Variants in SFMBT2 observed in about 807,000 individuals in gnomAD.
SFMBT2 encodes Scm like with four mbt domains 2.
Under a neutral mutation model 110.1 loss-of-function variants are expected in SFMBT2, and 38 were observed. The ratio of observed to expected loss-of-function variants is 0.35; its 90% CI spans 0.27 to 0.45. The LOEUF (loss-of-function observed/expected upper bound fraction) is 0.45, where lower values mean the gene tolerates loss of function less well. SFMBT2 is among the 20% of genes least tolerant of loss of function. The probability of loss-of-function intolerance (pLI) is 1.00; values close to 1 mark genes in which losing one functional copy is unlikely to be tolerated. For synonymous variants in SFMBT2, 425 were observed against 425.4 expected (o/e 1.00, Z 0.01); for missense variants, 1,011 against 1,094.9 (o/e 0.92, Z 1.08).
rs1564360176 is a variant in SFMBT2 at position 7,162,492 on chromosome 10, C to T, written c.*1278G>A. 6.6e-6 allele frequency: 1 copy of T among 152,234 alleles called. No homozygotes were observed. Among genetic ancestry groups the T allele is most frequent in the Non-Finnish European group, 1.5e-5 (1 of 68,052 alleles). 9.4% of individuals were successfully genotyped at this position (152,234 alleles called of 1,614,324 possible). The stretch of plus-strand genomic sequence containing the variant: ...GACTCCAGATTCACTGCTCCTGCTG[C>T]ATCATGCCTGGTTCATATGCTGCCA... On this transcript the variant is annotated 3_prime_UTR_variant, in exon 21 of 21. Coordinates refer to ENST00000397167, the MANE Select transcript of SFMBT2 (RefSeq NM_001387889.1).
At position 7,408,442 on chromosome 10, in the gene SFMBT2, G is replaced by C. The variant is rs908214105; in HGVS notation, c.-52+2419C>G. ...CTGCGCTCCTGCAAACCACGTTGCT[G>C]CGCTAACTACAAACCTGGCCAACAT... On this transcript the variant is annotated intron_variant, in intron 1 of 20. Transcript: ENST00000397167. The surrounding 1 kb of genome is among the most constrained non-coding windows in gnomAD (Gnocchi z 5.7). 6.6e-6 allele frequency among the ~76,000 whole-genome samples: 1 copy of C among 152,238 alleles called. No individual in the cohort carries two copies. Among genetic ancestry groups the C allele is most frequent in the African/African-American group, 2.4e-5 (1 of 41,468 alleles).
chr10:7,269,981 G>A (rs1012661335), intron 7 of SFMBT2, among the ~76,000 whole-genome samples: 2 of 151,942 alleles, frequency 1.3e-5, no homozygotes, highest in South Asian at 2.1e-4. Context: ...GTACATACAT[G>A]AAATGCGATC....
chr10:7,283,970 A>T lies in SFMBT2; in HGVS notation c.706T>A (p.Leu236Met). 1 of 1,610,502 alleles carries T rather than the reference A, an allele frequency of 6.2e-7. No homozygotes were observed. The highest frequency in any genetic ancestry group is 8.5e-7 in the Non-Finnish European group (1 of 1,176,654). Residue 236 changes from leucine (L) to methionine (M), a missense_variant, in exon 6 of 21, where the codon TTG becomes ATG. Leu to Met is a conservative substitution (Grantham distance 15, BLOSUM62 2). Coordinates refer to ENST00000397167, the MANE Select transcript of SFMBT2 (RefSeq NM_001387889.1). ...CCAACTGGTCGAAGTCTGTAATCCA[A>T]GTAAAACAACCACTGGTCATAGGAT... ...TESYDQWLFY[L>M]DYRLRPVGWC...
In SFMBT2 at chr10:7,367,870, C is replaced by T. The variant is rs759290525; in HGVS notation, c.215G>A (p.Ser72Asn). Residue 72 changes from serine to asparagine, a missense_variant, in exon 4 of 21, where the codon AGC becomes AAC. By Grantham distance (46) the Ser-to-Asn change is conservative (BLOSUM62 1). This residue lies in a region of SFMBT2 where 979 missense variants were observed against 1,016.1 expected (regional missense o/e 0.96). Coordinates refer to ENST00000397167, the MANE Select transcript of SFMBT2 (RefSeq NM_001387889.1). This position sits in a 1 kb window ranked among gnomAD's most constrained non-coding sequence, Gnocchi z 6.2. ...SFKHVEISIQ[S>N]NFQPGMKLEV... is the part of the protein sequence containing the mutation. ...CAATTTCATTCCTGGCTGGAAGTTGCTCTGAATGCTGATTTCAACCTTAAG... is the reference window on the plus strand; with the variant it reads ...CAATTTCATTCCTGGCTGGAAGTTGTTCTGAATGCTGATTTCAACCTTAAG... 4.0e-5 allele frequency: 65 copies of T among 1,614,024 alleles called. 2 individuals carry two copies. Among genetic ancestry groups the T allele is most frequent in the Non-Finnish European group, 4.5e-5 (53 of 1,180,034 alleles).
intron 4 of SFMBT2, among the ~76,000 whole-genome samples, chr10:7,355,206 C>T (rs375544474): frequency 3.1e-4 from 47 of 152,252 alleles, no homozygotes; most frequent in East Asian, 1.3e-3. Flanking sequence ...AAGTGTCCTA[C>T]GATTCCAAAT....
chr10:7,203,252 G>A (rs7097361), intron 12 of SFMBT2: 6 of 234,308 alleles, frequency 2.6e-5, no homozygotes, highest in South Asian at 1.6e-4. Context: ...AAATGTATGT[G>A]CAAGAAATGC....
At chr10:7,388,145 T>G (rs933615347) in intron 1 of SFMBT2, among the ~76,000 whole-genome samples, 15 of 151,964 alleles carry the variant, frequency 9.9e-5, no homozygotes, top group African/African-American at 2.9e-4. Flanking sequence ...GTTCCAGGCA[T>G]GCGAAGGCAT....
chr10:7,227,001 T>C (rs879060919), intron 10 of SFMBT2, among the ~76,000 whole-genome samples: 3 of 152,180 alleles, frequency 2.0e-5, no homozygotes, highest in Non-Finnish European at 4.4e-5. Context: ...TGCATGACTG[T>C]AGTTTATAAA....
chr10:7,312,221 T>C (rs1224792809), intron 4 of SFMBT2, among the ~76,000 whole-genome samples: 1 of 151,900 alleles, frequency 6.6e-6, no homozygotes, highest in Non-Finnish European at 1.5e-5. Context: ...GAACGTAAAG[T>C]ATAATTTAAA....
intron 1 of SFMBT2, among the ~76,000 whole-genome samples, chr10:7,383,706 G>C (rs982361399): frequency 6.6e-6 from 1 of 152,146 alleles, no homozygotes; most frequent in Admixed American, 6.5e-5. Context: ...AACAGAGAAG[G>C]CCCCTGTCAA....
In SFMBT2 at chr10:7,305,062, T is replaced by C. The variant is rs1320931890; in HGVS notation, c.437-19108A>G. 2.0e-5 allele frequency among the ~76,000 whole-genome samples: 3 copies of C among 152,184 alleles called. 1 individual carries two copies. The highest frequency in any genetic ancestry group is 2.1e-4 in the South Asian group (1 of 4,834). ...CCTTCTACAGAAAGAGCGCCTGTGT[T>C]CATTAGTAAAGTATTAAAGTGGAAG... On this transcript the variant is annotated intron_variant, in intron 4 of 20. Transcript: ENST00000397167.
At chr10:7,270,588 T>C (rs1333475172) in intron 7 of SFMBT2, among the ~76,000 whole-genome samples, 1 of 152,240 alleles carries the variant, frequency 6.6e-6, no homozygotes, top group African/African-American at 2.4e-5. Flanking sequence ...AACTAATGTC[T>C]ATTTATAAAG....
chr10:7,278,982 T>C (rs1282224933), intron 6 of SFMBT2, among the ~76,000 whole-genome samples: 1 of 151,498 alleles, frequency 6.6e-6, no homozygotes, highest in Non-Finnish European at 1.5e-5. Flanking sequence ...GCGTCTGTAA[T>C]ACCAGCTACT....
At chr10:7,260,344 T>G (rs184284291) in intron 7 of SFMBT2, among the ~76,000 whole-genome samples, 136 of 152,312 alleles carry the variant, frequency 8.9e-4, no homozygotes, top group Non-Finnish European at 1.6e-3. Flanking sequence ...GGCAAGTGAA[T>G]AGAAAAGCCT....
chr10:7,400,646 C>T (rs1458655481), intron 1 of SFMBT2, among the ~76,000 whole-genome samples: 3 of 152,252 alleles, frequency 2.0e-5, no homozygotes, highest in African/African-American at 7.2e-5. Context: ...CTGTCAGCTT[C>T]AACAGCAAAC....
At chr10:7,314,155 C>T (rs991042859) in intron 4 of SFMBT2, among the ~76,000 whole-genome samples, 12 of 152,126 alleles carry the variant, frequency 7.9e-5, no homozygotes, top group East Asian at 1.9e-4. Flanking sequence ...AATCATTGCA[C>T]GTTAGGATTT....
intron 20 of SFMBT2, among the ~76,000 whole-genome samples, chr10:7,169,531 A>G (rs1837807604): frequency 6.6e-6 from 1 of 152,230 alleles, no homozygotes; most frequent in Non-Finnish European, 1.5e-5. Context: ...TCCTCTTTCT[A>G]GACTACTGAT....
intron 9 of SFMBT2, among the ~76,000 whole-genome samples, chr10:7,228,733 TTCCTTTCTCTCTCTCTCTCTCTCTC>T (rs1840006136): frequency 1.4e-5 from 1 of 70,498 alleles, no homozygotes; most frequent in African/African-American, 6.5e-5. Flanking sequence ...CTTTCTTTCT[TTCCTTTCTCTCTCTCTCTCTCTCTC>T]TCTCTCTCTC....
rs565327344 is a variant in SFMBT2 at position 7,385,774 on chromosome 10, C to T, written c.-51-3825G>A. 1.8e-3 allele frequency among the ~76,000 whole-genome samples: 271 copies of T among 152,058 alleles called. 1 individual carries two copies. The highest frequency in any genetic ancestry group is 0.013 in the South Asian group (63 of 4,798). ...CAGCACTTTGGGAGGCCGAGGCGGG[C>T]GGATCACGAGGTCAGGAGATCAAGA... On this transcript the variant is annotated intron_variant, in intron 1 of 20. Transcript: ENST00000397167.
Sources: allele counts gnomAD v4.1 joint callset (sites outside exome capture counted in the v4.1 genomes callset), GRCh38; gene constraint gnomAD v4.1.1; regional missense constraint gnomAD v4.1.1; non-coding constraint Gnocchi (gnomAD v3.1); transcripts MANE v1.5; gene names NCBI Gene and HGNC (gene_info 2026-07-23, HGNC 2026-07-21).